FBXL19: variants seen among roughly 807,000 people sequenced by gnomAD.
The protein encoded by FBXL19 is F-box/LRR-repeat protein 19.
In FBXL19, 16 loss-of-function variants were observed where a neutral mutation model predicts 71.2. That is an observed-to-expected ratio of 0.22 (90% CI 0.15 to 0.34). The LOEUF (loss-of-function observed/expected upper bound fraction) is 0.34, where lower values mean the gene tolerates loss of function less well. FBXL19 is among the 10% of genes least tolerant of loss of function. FBXL19 has a pLI of 1.00. For synonymous variants in FBXL19, 447 were observed against 409.4 expected (o/e 1.09, Z -1.11); for missense variants, 658 against 968.2 (o/e 0.68, Z 4.25).
Position 30,927,441 on chromosome 16 carries a change from G to T in FBXL19, c.311G>T (p.Gly104Val). 1 of 1,588,946 alleles carries T rather than the reference G, an allele frequency of 6.3e-7. No individual in the cohort carries two copies. Among genetic ancestry groups the T allele is most frequent in the Non-Finnish European group, 8.6e-7 (1 of 1,167,720 alleles). The change falls in exon 3 of 11, where the codon GGC becomes GTC. Residue 104 changes from glycine (G) to valine (V), a missense_variant. Transcript: ENST00000338343. The stretch of plus-strand genomic sequence containing the variant: ...ATCTGCAACGAGATCGTCCACCCCG[G>T]CTGCCTGAAGGTGATGGCCCTGGGA... ...CTICNEIVHP[G>V]CLKMGKAEGV...
intron 6 of FBXL19, among the ~76,000 whole-genome samples, chr16:30,929,107 T>A (rs1220127989): frequency 6.6e-6 from 1 of 152,060 alleles, no homozygotes; most frequent in East Asian, 1.9e-4. Flanking sequence ...CCCAGAGAGG[T>A]TTGAAGACTT....
At chr16:30,940,002 A>G (rs1320441827) in intron 7 of FBXL19, among the ~76,000 whole-genome samples, 1 of 152,040 alleles carries the variant, frequency 6.6e-6, no homozygotes, top group African/African-American at 2.4e-5. Context: ...CACGCCTGTA[A>G]TCCCAGCACT....
chr16:30,940,560 G>A (rs2055791757), intron 7 of FBXL19, among the ~76,000 whole-genome samples: 1 of 152,142 alleles, frequency 6.6e-6, no homozygotes. Flanking sequence ...GAACTTCAGT[G>A]TACTACAAAA....
chr16:30,946,997 C>T lies in FBXL19; in HGVS notation c.1846+49C>T. On this transcript the variant is annotated intron_variant, in intron 10 of 10. Transcript: ENST00000338343. The surrounding 1 kb of genome is among the most constrained non-coding windows in gnomAD (Gnocchi z 6.7). ...CTGCCAGCCTGTGGATCCCCACGGC[C>T]AGTGCCAACCCCTTGCTCACCTGCC... The T allele has an allele frequency of 1.9e-6, 3 of 1,577,972 alleles. No individual in the cohort carries two copies. Among genetic ancestry groups the T allele is most frequent in the Non-Finnish European group, 2.6e-6 (3 of 1,162,996 alleles).
chr16:30,945,516 A>C (rs892546235), intron 9 of FBXL19, among the ~76,000 whole-genome samples: 9 of 151,936 alleles, frequency 5.9e-5, no homozygotes, highest in Non-Finnish European at 8.8e-5. Flanking sequence ...ACAAAAAATT[A>C]GCCAGGCGTG....
In FBXL19 at chr16:30,941,600, A is replaced by C. The variant is rs78425088; in HGVS notation, c.1302-516A>C. On this transcript the variant is annotated intron_variant, in intron 7 of 10. Transcript: ENST00000338343. ...TCCAGCTGCGGGCAGCTGGCTGTCA[A>C]GATGGGACAGGTGTGGATCAGAAGC... 5.3e-3 allele frequency among the ~76,000 whole-genome samples: 802 copies of C among 152,366 alleles called. 6 individuals carry two copies. Among genetic ancestry groups the C allele is most frequent in the African/African-American group, 0.018 (750 of 41,588 alleles).
Position 30,942,347 on chromosome 16 carries a change from CT to C in FBXL19, c.1466-27del. On this transcript the variant is annotated intron_variant, in intron 8 of 10. Transcript: ENST00000338343. This position sits in a 1 kb window ranked among gnomAD's most constrained non-coding sequence, Gnocchi z 5.7. ...GCCTGGGATGGAGTCCTCACAGCAC[CT>C]GCTTCCTGACTGCCCCCTCTCCGCA... The C allele has an allele frequency of 6.2e-7, 1 of 1,605,848 alleles. No homozygotes were observed. The highest frequency in any genetic ancestry group is 8.5e-7 in the Non-Finnish European group (1 of 1,175,288).
intron 2 of FBXL19, among the ~76,000 whole-genome samples, chr16:30,927,013 C>G (rs796480196): frequency 5.9e-5 from 9 of 152,334 alleles, no homozygotes; most frequent in African/African-American, 2.2e-4. Flanking sequence ...CCAGCTATAA[C>G]AGTCACAGGT....
chr16:30,923,286 C>A, upstream of FBXL19: 1 of 441,418 alleles, frequency 2.3e-6, no homozygotes, highest in Non-Finnish European at 4.6e-6. Context: ...CTGGGAGCCT[C>A]GGGGCAACGG....
chr16:30,928,830 C>T (rs1159570556), intron 6 of FBXL19, among the ~76,000 whole-genome samples: 1 of 152,182 alleles, frequency 6.6e-6, no homozygotes, highest in African/African-American at 2.4e-5. Flanking sequence ...CCCAAAAACC[C>T]TTAGGGCTCA....
intron 2 of FBXL19, among the ~76,000 whole-genome samples, chr16:30,926,229 G>A (rs1288072406): frequency 1.3e-5 from 2 of 152,126 alleles, no homozygotes; most frequent in African/African-American, 4.8e-5. Context: ...AGATGTCTCT[G>A]TGCAGGAGGG....
At position 30,946,957 on chromosome 16, in the gene FBXL19, G is replaced by A. The variant is rs778743129; in HGVS notation, c.1846+9G>A. The A allele has an allele frequency of 7.6e-5, 121 of 1,600,778 alleles. No homozygotes were observed. The highest frequency in any genetic ancestry group is 9.1e-5 in the Non-Finnish European group (107 of 1,174,740). On this transcript the variant is annotated intron_variant, in intron 10 of 10. Coordinates refer to ENST00000338343, the MANE Select transcript of FBXL19 (RefSeq NM_001382779.1). This position sits in a 1 kb window ranked among gnomAD's most constrained non-coding sequence, Gnocchi z 6.7. Reference sequence around the variant, plus strand: ...GCACCTCAATCTTGCTGGTAAGCACGGTCCCCCATCCGTCCTGCCAGCCTG... The same window carrying A: ...GCACCTCAATCTTGCTGGTAAGCACAGTCCCCCATCCGTCCTGCCAGCCTG...
intron 6 of FBXL19, among the ~76,000 whole-genome samples, chr16:30,929,359 G>A (rs1463007735): frequency 6.6e-6 from 1 of 152,084 alleles, no homozygotes; most frequent in Non-Finnish European, 1.5e-5. Context: ...CTGCTCGTGG[G>A]GCCAATCACT....
chr16:30,926,805 CT>C (rs1487674135), intron 2 of FBXL19, among the ~76,000 whole-genome samples: 2 of 152,218 alleles, frequency 1.3e-5, no homozygotes, highest in African/African-American at 4.8e-5. Context: ...GCTGCCCCCA[CT>C]TCCCCAAGAC....
At chr16:30,924,737 G>C in intron 1 of FBXL19, 1 of 1,497,576 alleles carries the variant, frequency 6.7e-7, no homozygotes, top group Non-Finnish European at 8.8e-7. Context: ...CCATGGATGG[G>C]TATGAAAGTC....
At chr16:30,944,833 T>C (rs1307455539) in intron 9 of FBXL19, among the ~76,000 whole-genome samples, 1 of 152,162 alleles carries the variant, frequency 6.6e-6, no homozygotes, top group Non-Finnish European at 1.5e-5. Flanking sequence ...CTCCAGGCGC[T>C]TGGCTCCTCA....
rs1269936967 is a variant in FBXL19 at position 30,930,323 on chromosome 16, G to A, written c.1040G>A (p.Arg347His). The change falls in exon 7 of 11, where the codon CGT (arginine) becomes CAT (histidine). Residue 347 changes from arginine to histidine, a missense_variant. This residue lies in a region of FBXL19 where 447 missense variants were observed against 515.4 expected (regional missense o/e 0.87). Transcript: ENST00000338343. This position sits in a 1 kb window ranked among gnomAD's most constrained non-coding sequence, Gnocchi z 8.5. ...GGCAGCTCTGGCGAGAAGGAGAACC[G>A]TGGGGGGCGGCGGGCTGTGCGCCCT... ...ARGSSGEKENRGGRRAVRPGS... is the reference protein window; with the variant it reads ...ARGSSGEKENHGGRRAVRPGS... 1.5e-5 allele frequency: 24 copies of A among 1,604,062 alleles called. No individual in the cohort carries two copies. The highest frequency in any genetic ancestry group is 2.0e-5 in the Non-Finnish European group (24 of 1,175,368).
chr16:30,928,316 T>TG, intron 5 of FBXL19, 151 bp from the exon 6 acceptor site: 1 of 830,810 alleles, frequency 1.2e-6, no homozygotes, highest in Non-Finnish European at 1.8e-6. Context: ...GCTAGGACGC[T>TG]GGGTGCAAGG....
At position 30,942,534 on chromosome 16, in the gene FBXL19, C is replaced by A. The variant is rs1286690938; in HGVS notation, c.1625C>A (p.Pro542Gln). ...CTGCTGCCTCCACCAGACACCAAACCAGGTGCAACCTCTGTTTGCTTTTCT... is the reference window on the plus strand; with the variant it reads ...CTGCTGCCTCCACCAGACACCAAACAAGGTGCAACCTCTGTTTGCTTTTCT... ...ELLLPPPDTK[P>Q]GQTESRGRLQ... The change falls in exon 9 of 11, where the codon CCA becomes CAA. Residue 542 changes from proline to glutamine, a missense_variant and splice_region_variant. Physicochemically the swap from Pro to Gln is moderately conservative, Grantham distance 76. Transcript: ENST00000338343. This position sits in a 1 kb window ranked among gnomAD's most constrained non-coding sequence, Gnocchi z 5.7. 2.5e-6 allele frequency: 4 copies of A among 1,582,394 alleles called. No individual in the cohort carries two copies. The highest frequency in any genetic ancestry group is 3.4e-6 in the Non-Finnish European group (4 of 1,163,552).
Sources: gnomAD v4.1 joint callset for allele counts (sites outside exome capture counted in the v4.1 genomes callset) on GRCh38, gnomAD v4.1.1 for gene constraint, gnomAD v4.1.1 regional missense constraint, Gnocchi (gnomAD v3.1) non-coding constraint, MANE v1.5 for transcripts, NCBI Gene and HGNC (gene_info 2026-07-23, HGNC 2026-07-21) for gene names.